GRHL1: variants seen among roughly 807,000 people sequenced by gnomAD.
The protein encoded by GRHL1 is grainyhead-like protein 1 homolog.
Under a neutral mutation model 75.7 loss-of-function variants are expected in GRHL1, and 38 were observed. The ratio of observed to expected loss-of-function variants is 0.50; its 90% CI spans 0.39 to 0.66. The LOEUF (loss-of-function observed/expected upper bound fraction) is 0.66, where lower values mean the gene tolerates loss of function less well. Among genes scored for constraint, GRHL1 ranks in the 30% least tolerant of loss-of-function variants. GRHL1 has a pLI of 0.00. For missense variants in GRHL1, 589 were observed against 767.5 expected (o/e 0.77, Z 2.75); for synonymous variants, 266 against 279.4 (o/e 0.95, Z 0.48).
intron 12 of GRHL1, among the ~76,000 whole-genome samples, chr2:9,994,135 T>C (rs1464924882): frequency 6.6e-6 from 1 of 152,070 alleles, no homozygotes; most frequent in Non-Finnish European, 1.5e-5. Context: ...GCAAAGATTC[T>C]TTTTGTTTTT....
chr2:9,951,727 G>C lies in GRHL1; in HGVS notation c.-107G>C. On this transcript the variant is annotated 5_prime_UTR_variant, in exon 1 of 16. Transcript: ENST00000324907. The surrounding 1 kb of genome is among the most constrained non-coding windows in gnomAD (Gnocchi z 4.2). The stretch of plus-strand genomic sequence containing the variant: ...AAAGCAAACCCAACCCGTCGGGGCC[G>C]CCGCTCCGGACCCGCAGCCGCCGCC... 1 of 1,083,018 alleles carries C rather than the reference G, an allele frequency of 9.2e-7. No individual in the cohort carries two copies. The highest frequency in any genetic ancestry group is 1.4e-5 in the South Asian group (1 of 70,502). 67.1% of individuals were successfully genotyped at this position (1,083,018 alleles called of 1,614,324 possible). A position where few individuals can be genotyped will look rare whatever the true frequency, so the allele number is the denominator to read the frequency against.
chr2:9,987,240 T>C lies in GRHL1; in HGVS notation c.1269+958T>C, dbSNP rs1229027741. Among the ~76,000 whole-genome samples, 1 of 152,238 alleles carries C rather than the reference T, an allele frequency of 6.6e-6. No homozygotes were observed. Among genetic ancestry groups the C allele is most frequent in the Non-Finnish European group, 1.5e-5 (1 of 68,034 alleles). Reference sequence around the variant, plus strand: ...CGCCCACTTTGGCTTCCCAAAGTGCTGGGATTACAGGTGTGAGCCACCATG... The same window carrying C: ...CGCCCACTTTGGCTTCCCAAAGTGCCGGGATTACAGGTGTGAGCCACCATG... On this transcript the variant is annotated intron_variant, in intron 9 of 15. Coordinates refer to ENST00000324907, the MANE Select transcript of GRHL1 (RefSeq NM_198182.3). This position sits in a 1 kb window ranked among gnomAD's most constrained non-coding sequence, Gnocchi z 4.2.
At chr2:9,971,996 C>T (rs772177284) in intron 8 of GRHL1, among the ~76,000 whole-genome samples, 8 of 152,084 alleles carry the variant, frequency 5.3e-5, no homozygotes, top group Non-Finnish European at 8.8e-5. Context: ...TTGGAATCCA[C>T]AGGTAACAGA....
intron 15 of GRHL1, among the ~76,000 whole-genome samples, chr2:9,999,410 G>A (rs1669170578): frequency 6.6e-6 from 1 of 152,280 alleles, no homozygotes; most frequent in African/African-American, 2.4e-5. Context: ...GCGCCACTGA[G>A]GATGGCCAGG....
intron 2 of GRHL1, among the ~76,000 whole-genome samples, chr2:9,958,115 T>G (rs745725274): frequency 6.6e-6 from 1 of 152,156 alleles, no homozygotes; most frequent in Non-Finnish European, 1.5e-5. Flanking sequence ...TTCAGTAGCT[T>G]CTTCTCTAAT....
chr2:10,000,674 G>C lies in GRHL1; in HGVS notation c.1824G>C (p.Gly608=). Residue 608 remains glycine, a synonymous_variant, in exon 16 of 16, where the codon GGG becomes GGC. Transcript: ENST00000324907. ...TCCAGCTGCAGATTGAAGAAGCCGG[G>C]GGGTCTTACAAGCTCACCCTGACGG... ...DTFQLQIEEA[G]GSYKLTLTEI The C allele has an allele frequency of 6.2e-7, 1 of 1,610,852 alleles. No individual in the cohort carries two copies. Among genetic ancestry groups the C allele is most frequent in the African/African-American group, 1.3e-5 (1 of 74,958 alleles).
rs1457858771 is a variant in GRHL1, at chr2:9,992,604, A to G, written c.1461+458A>G. ...AGTTACCAATGGCCATGTCTTGGCA[A>G]CTAAAACTAAATTTTAAAAAATGGT... On this transcript the variant is annotated intron_variant, in intron 11 of 15. Transcript: ENST00000324907. This position sits in a 1 kb window ranked among gnomAD's most constrained non-coding sequence, Gnocchi z 4.6. 6.6e-6 allele frequency among the ~76,000 whole-genome samples: 1 copy of G among 152,242 alleles called. No individual in the cohort carries two copies. The highest frequency in any genetic ancestry group is 2.4e-5 in the African/African-American group (1 of 41,468).
chr2:9,959,037 T>A (rs1667157200), intron 3 of GRHL1, 181 bp downstream of exon 3: 5 of 949,348 alleles, frequency 5.3e-6, no homozygotes, highest in Non-Finnish European at 7.2e-6. Flanking sequence ...AATTTCCTTT[T>A]TTCTTTGGGC....
At chr2:9,957,639 G>T (rs1049361625) in intron 2 of GRHL1, among the ~76,000 whole-genome samples, 2 of 151,904 alleles carry the variant, frequency 1.3e-5, no homozygotes, top group Non-Finnish European at 2.9e-5. Context: ...TCGATCTCTT[G>T]ACCTTGTGAT....
chr2:9,996,641 T>G (rs1668873960), intron 14 of GRHL1, among the ~76,000 whole-genome samples: 1 of 152,218 alleles, frequency 6.6e-6, no homozygotes, highest in Non-Finnish European at 1.5e-5. Context: ...CTATGAAATG[T>G]TTAATTTTTA....
chr2:9,989,896 CA>C (rs1668571245), intron 9 of GRHL1, among the ~76,000 whole-genome samples: 1 of 152,114 alleles, frequency 6.6e-6, no homozygotes, highest in South Asian at 2.1e-4. Flanking sequence ...GTTCCATCTT[CA>C]CTTTGTGAAT....
At chr2:9,958,117 T>C (rs1029417246) in intron 2 of GRHL1, among the ~76,000 whole-genome samples, 8 of 152,188 alleles carry the variant, frequency 5.3e-5, no homozygotes, top group African/African-American at 1.9e-4. Context: ...CAGTAGCTTC[T>C]TCTCTAATGT....
At chr2:9,979,033 G>T (rs546289362) in intron 8 of GRHL1, among the ~76,000 whole-genome samples, 1 of 148,994 alleles carries the variant, frequency 6.7e-6, no homozygotes, top group Non-Finnish European at 1.5e-5. Context: ...AGTGGTGCGC[G>T]CCTGTAATCC....
At chr2:9,986,885 C>T (rs6743918) in intron 9 of GRHL1, among the ~76,000 whole-genome samples, 40,035 of 151,968 alleles carry the variant, frequency 0.26, 5,634 homozygotes, top group Admixed American at 0.34. Context: ...TTTTAATTTT[C>T]TTGTGGAGAT....
At position 10,000,948 on chromosome 2, in the gene GRHL1, T is replaced by C. The variant is rs1436539147; in HGVS notation, c.*241T>C. On this transcript the variant is annotated 3_prime_UTR_variant, in exon 16 of 16. Coordinates refer to ENST00000324907, the MANE Select transcript of GRHL1 (RefSeq NM_198182.3). The stretch of plus-strand genomic sequence containing the variant: ...ACCATTATGTTTGAATTTCCTGATA[T>C]ATACAGGATTTAAAGTGAAAACTTT... 4 of 337,206 alleles carry C rather than the reference T, an allele frequency of 1.2e-5. No individual in the cohort carries two copies. Among genetic ancestry groups the C allele is most frequent in the African/African-American group, 2.1e-5 (1 of 47,388 alleles). The allele number at this position is 337,206 out of a possible 1,614,324, so 20.9% of individuals were successfully genotyped here. A position where few individuals can be genotyped will look rare whatever the true frequency, so the allele number is the denominator to read the frequency against.
intron 3 of GRHL1, chr2:9,960,116 G>A (rs763349149): frequency 1.3e-5 from 2 of 152,192 alleles, no homozygotes; most frequent in Non-Finnish European, 2.9e-5. Context: ...GTCTACTGAT[G>A]CAATGTAACA....
intron 2 of GRHL1, among the ~76,000 whole-genome samples, chr2:9,955,886 TG>T (rs1240703283): frequency 6.6e-6 from 1 of 152,194 alleles, no homozygotes; most frequent in Non-Finnish European, 1.5e-5. Context: ...AACACACATT[TG>T]GGGGTGGCTA....
rs1049526254 is a variant in GRHL1 at position 9,992,969 on chromosome 2, C to T, written c.1462-238C>T. On this transcript the variant is annotated intron_variant, in intron 11 of 15. Transcript: ENST00000324907. This position sits in a 1 kb window ranked among gnomAD's most constrained non-coding sequence, Gnocchi z 4.6. ...CATAAGCAGCATGTGAATGAATGAG[C>T]GTGGCTTTGTTTCAGTAAAGACTTT... Among the ~76,000 whole-genome samples the T allele has an allele frequency of 2.6e-5, 4 of 152,154 alleles. No individual in the cohort carries two copies. Among genetic ancestry groups the T allele is most frequent in the African/African-American group, 4.8e-5 (2 of 41,406 alleles).
At chr2:9,998,671 CATAT>C (rs1307281741) in intron 14 of GRHL1, among the ~76,000 whole-genome samples, 3 of 58,900 alleles carry the variant, frequency 5.1e-5, no homozygotes, top group East Asian at 8.1e-4. Flanking sequence ...TATATGTACA[CATAT>C]ATATACATAT....
Sources: gnomAD v4.1 joint callset for allele counts (sites outside exome capture counted in the v4.1 genomes callset) on GRCh38, gnomAD v4.1.1 for gene constraint, Gnocchi (gnomAD v3.1) non-coding constraint, MANE v1.5 for transcripts, NCBI Gene and HGNC (gene_info 2026-07-23, HGNC 2026-07-21) for gene names.